PPA2: variants seen among roughly 807,000 people sequenced by gnomAD.
PPA2 encodes the protein inorganic pyrophosphatase 2, mitochondrial.
PPA2 carries 48 observed loss-of-function variants against 49.5 expected under a neutral mutation model. That is an observed-to-expected ratio of 0.97 (90% CI 0.77 to 1.23). PPA2 has a LOEUF of 1.23. PPA2 is among the 50% of genes most tolerant of loss of function. The probability of loss-of-function intolerance (pLI) is 0.00; values close to 1 mark genes in which losing one functional copy is unlikely to be tolerated. For synonymous variants in PPA2, 131 were observed against 139.9 expected, an observed-to-expected ratio of 0.94 and a Z score of 0.45; for missense variants, 429 against 410.1, an observed-to-expected ratio of 1.05 and a Z score of -0.40.
intron 10 of PPA2, among the ~76,000 whole-genome samples, chr4:105,374,297 C>T (rs573924597): frequency 5.9e-5 from 9 of 152,280 alleles, no homozygotes; most frequent in Non-Finnish European, 1.2e-4. Context: ...TGGTGGCTTA[C>T]GCCTGTAATC....
intron 9 of PPA2, among the ~76,000 whole-genome samples, chr4:105,391,781 C>T (rs66763438): frequency 0.18 from 27,007 of 151,918 alleles, 2,723 homozygotes; most frequent in African/African-American, 0.26. Flanking sequence ...AATCATAAGA[C>T]GTTTTTAGGC....
chr4:105,407,947 C>T (rs540160329), intron 7 of PPA2, among the ~76,000 whole-genome samples: 14 of 152,250 alleles, frequency 9.2e-5, no homozygotes, highest in South Asian at 8.3e-4. Flanking sequence ...GTTATCAAAA[C>T]TCACTGAATT....
At chr4:105,370,269 T>C (rs1173289403) in intron 11 of PPA2, among the ~76,000 whole-genome samples, 4 of 152,184 alleles carry the variant, frequency 2.6e-5, no homozygotes, top group African/African-American at 7.2e-5. Flanking sequence ...AATCTGCAAG[T>C]TGAATGTTCT....
intron 1 of PPA2, among the ~76,000 whole-genome samples, chr4:105,471,619 C>CT (rs1445932886): frequency 4.6e-5 from 7 of 152,292 alleles, no homozygotes; most frequent in African/African-American, 1.7e-4. Flanking sequence ...TACAGACACA[C>CT]TGAGTAATAA....
chr4:105,464,687 C>T (rs368240345), intron 1 of PPA2, among the ~76,000 whole-genome samples: 21 of 152,246 alleles, frequency 1.4e-4, no homozygotes, highest in African/African-American at 4.8e-4. Flanking sequence ...CTCATGAGAT[C>T]TGATGATTAT....
chr4:105,411,977 G>A (rs1007147179), intron 7 of PPA2, among the ~76,000 whole-genome samples: 9 of 152,158 alleles, frequency 5.9e-5, no homozygotes, highest in Non-Finnish European at 1.3e-4. Flanking sequence ...CATGCTCATG[G>A]ATAGGAAGAA....
chr4:105,412,749 T>C (rs1030437830), intron 7 of PPA2, among the ~76,000 whole-genome samples: 13 of 152,182 alleles, frequency 8.5e-5, no homozygotes, highest in African/African-American at 3.1e-4. Context: ...TCATTACTGG[T>C]CATCAGAGAA....
At chr4:105,383,426 A>C (rs868831673) in intron 10 of PPA2, among the ~76,000 whole-genome samples, 1 of 152,110 alleles carries the variant, frequency 6.6e-6, no homozygotes, top group Non-Finnish European at 1.5e-5. Flanking sequence ...ATTTGTACAT[A>C]TTGTTGGATG....
intron 7 of PPA2, among the ~76,000 whole-genome samples, chr4:105,403,375 TAAAG>T (rs1186100783): frequency 6.6e-6 from 1 of 152,096 alleles, no homozygotes; most frequent in Non-Finnish European, 1.5e-5. Flanking sequence ...AAAGGCTTTA[TAAAG>T]AGTGTCATAA....
At chr4:105,434,841 G>C (rs1723973827) in intron 6 of PPA2, among the ~76,000 whole-genome samples, 1 of 152,128 alleles carries the variant, frequency 6.6e-6, no homozygotes, top group Admixed American at 6.5e-5. Context: ...AAACAAAGCA[G>C]TGTTTTGCTG....
At chr4:105,429,983 C>A (rs1723722277) in intron 6 of PPA2, among the ~76,000 whole-genome samples, 1 of 152,180 alleles carries the variant, frequency 6.6e-6, no homozygotes, top group Non-Finnish European at 1.5e-5. Context: ...AGTGAGGTTC[C>A]CTCAAGCTGC....
chr4:105,427,473 A>G (rs1723570913), intron 6 of PPA2, among the ~76,000 whole-genome samples: 1 of 152,166 alleles, frequency 6.6e-6, no homozygotes, highest in Non-Finnish European at 1.5e-5. Context: ...ACGAATGGCT[A>G]ACTAGAATCA....
intron 10 of PPA2, among the ~76,000 whole-genome samples, chr4:105,372,982 A>G (rs1478142579): frequency 6.6e-6 from 1 of 152,190 alleles, no homozygotes; most frequent in African/African-American, 2.4e-5. Context: ...GTAACCATGT[A>G]AATAAAATTA....
chr4:105,444,940 T>G (rs1232840372), intron 5 of PPA2, among the ~76,000 whole-genome samples: 1 of 152,104 alleles, frequency 6.6e-6, no homozygotes, highest in Non-Finnish European at 1.5e-5. Context: ...ATATTTTATG[T>G]TCTCCATTTT....
chr4:105,437,098 T>C (rs1049140827), intron 6 of PPA2, among the ~76,000 whole-genome samples: 12 of 151,232 alleles, frequency 7.9e-5, no homozygotes, highest in African/African-American at 2.9e-4. Flanking sequence ...CTCAAACAAC[T>C]CAACAAGAAA....
chr4:105,453,662 G>A lies in PPA2; in HGVS notation c.223-20C>T, dbSNP rs1163834350. 16 of 1,589,976 alleles carry A rather than the reference G, an allele frequency of 1.0e-5. No individual in the cohort carries two copies. The highest frequency in any genetic ancestry group is 1.4e-5 in the Non-Finnish European group (16 of 1,163,710). The stretch of plus-strand genomic sequence containing the variant: ...ATTTTCCTATAAAAGAAAAGATGGT[G>A]AAAGACTGCAATATTTCATGAAAGT... On this transcript the variant is annotated intron_variant, in intron 2 of 11. Coordinates refer to ENST00000341695, the MANE Select transcript of PPA2 (RefSeq NM_176869.3).
intron 6 of PPA2, among the ~76,000 whole-genome samples, chr4:105,430,031 T>C (rs1723725640): frequency 1.3e-5 from 2 of 152,224 alleles, no homozygotes; most frequent in Non-Finnish European, 2.9e-5. Context: ...TTTGTATATA[T>C]CCTTTTACTT....
intron 10 of PPA2, among the ~76,000 whole-genome samples, chr4:105,376,015 G>A (rs1733234429): frequency 6.6e-6 from 1 of 152,126 alleles, no homozygotes; most frequent in South Asian, 2.1e-4. Flanking sequence ...AATAAAACAT[G>A]GCTTTGGTGT....
intron 1 of PPA2, among the ~76,000 whole-genome samples, chr4:105,468,140 T>C (rs13104830): frequency 0.55 from 83,590 of 152,094 alleles, 25,784 homozygotes; most frequent in Non-Finnish European, 0.7. Flanking sequence ...TTACTGTCCA[T>C]GGCTGTATGT....
Sources: allele counts gnomAD v4.1 joint callset (sites outside exome capture counted in the v4.1 genomes callset), GRCh38; gene constraint gnomAD v4.1.1; transcripts MANE v1.5; gene names NCBI Gene and HGNC (gene_info 2026-07-23, HGNC 2026-07-21).